ZNF512: variants seen among roughly 807,000 people sequenced by gnomAD.
ZNF512 encodes the protein zinc finger protein 512.
A neutral mutation model predicts 77.5 loss-of-function variants in ZNF512; 25 were observed. The observed-to-expected ratio is 0.32, with a 90% CI of 0.23 to 0.45. The LOEUF (loss-of-function observed/expected upper bound fraction) is 0.45. Ranked by LOEUF, ZNF512 falls within the 20% of genes least tolerant of loss-of-function variation. The pLI is 1.00. For missense variants in ZNF512, 483 were observed against 692.6 expected (o/e 0.70, Z 3.40); for synonymous variants, 246 against 239.9 (o/e 1.03, Z -0.24).
intron 8 of ZNF512, among the ~76,000 whole-genome samples, 200 bp from the exon 9 acceptor site, chr2:27,602,940 G>T (rs1330295065): frequency 6.6e-6 from 1 of 152,188 alleles, no homozygotes; most frequent in African/African-American, 2.4e-5. Flanking sequence ...TGACTAAGCT[G>T]ATTGAAAATC....
rs747434302 is a variant in ZNF512 at position 27,621,359 on chromosome 2, G to A, written c.1602G>A (p.Leu534=). 6.2e-7 allele frequency: 1 copy of A among 1,614,118 alleles called. No individual in the cohort carries two copies. The highest frequency in any genetic ancestry group is 2.2e-5 in the East Asian group (1 of 44,882). Reference sequence around the variant, plus strand: ...ATCAGAGGAGGAATAATGAGGAACTGGTAGTGTCAGCCTCCTGTAAGGAAC... The same window carrying A: ...ATCAGAGGAGGAATAATGAGGAACTAGTAGTGTCAGCCTCCTGTAAGGAAC... The part of the protein sequence containing the change: ...GKDQRRNNEE[L]VVSASCKEPE... The change falls in exon 14 of 14, where the codon CTG becomes CTA. Residue 534 remains leucine, a synonymous_variant. Coordinates refer to ENST00000355467, the MANE Select transcript of ZNF512 (RefSeq NM_032434.4).
intron 10 of ZNF512, among the ~76,000 whole-genome samples, chr2:27,613,482 C>T (rs890455991): frequency 5.3e-5 from 8 of 149,622 alleles, no homozygotes; most frequent in African/African-American, 1.2e-4. Flanking sequence ...GGCAACAGAG[C>T]GAGACTCCAT....
At chr2:27,586,974 A>T (rs1185972077) in intron 2 of ZNF512, among the ~76,000 whole-genome samples, 2 of 152,160 alleles carry the variant, frequency 1.3e-5, no homozygotes, top group African/African-American at 4.8e-5. Context: ...CTTGATTGAC[A>T]TTTGAGTTAT....
chr2:27,616,497 G>C (rs897734749), intron 12 of ZNF512, among the ~76,000 whole-genome samples, 173 bp downstream of exon 12: 1 of 152,116 alleles, frequency 6.6e-6, no homozygotes, highest in East Asian at 1.9e-4. Context: ...GGATGCCAGG[G>C]CATGTCCAAG....
Position 27,596,123 on chromosome 2 carries a change from C to T in ZNF512, c.90-1944C>T, listed in dbSNP as rs368931338. 7.2e-5 allele frequency among the ~76,000 whole-genome samples: 11 copies of T among 152,270 alleles called. No individual in the cohort carries two copies. The South Asian group carries it at 2.1e-3, about 29-fold the overall frequency. ...CTTTTGGAGGCATTTGTTAAAATCT[C>T]GGTTCTGTTCTTTATGTCTTTGCTA... On this transcript the variant is annotated intron_variant, in intron 2 of 13. Coordinates refer to ENST00000355467, the MANE Select transcript of ZNF512 (RefSeq NM_032434.4).
At chr2:27,583,620 G>A (rs1241000109) in intron 1 of ZNF512, 38 bp from the exon 2 acceptor site, 1 of 1,611,460 alleles carries the variant, frequency 6.2e-7, no homozygotes, top group African/African-American at 1.3e-5. Flanking sequence ...GAGGTTCAGA[G>A]GTCCCTAGCA....
At chr2:27,608,640 G>C (rs1222661290) in intron 10 of ZNF512, among the ~76,000 whole-genome samples, 1 of 152,018 alleles carries the variant, frequency 6.6e-6, no homozygotes, top group African/African-American at 2.4e-5. Context: ...AGAAGAAGGG[G>C]CCTTATTTAG....
In ZNF512 at chr2:27,583,108, G is replaced by A. The variant is rs746812931; in HGVS notation, c.-5G>A. 6.2e-7 allele frequency: 1 copy of A among 1,614,126 alleles called. No homozygotes were observed. The highest frequency in any genetic ancestry group is 8.5e-7 in the Non-Finnish European group (1 of 1,180,022). ...GGTGAAATTGTTAGGCGTGGAGAGG[G>A]AGTGATGTCTTCCAGACTCGGTGCT... is the stretch of plus-strand genomic sequence containing the variant. On this transcript the variant is annotated 5_prime_UTR_variant, in exon 1 of 14. Transcript: ENST00000355467.
At chr2:27,603,641 G>C (rs1467647458) in intron 9 of ZNF512, among the ~76,000 whole-genome samples, 1 of 140,474 alleles carries the variant, frequency 7.1e-6, no homozygotes, top group African/African-American at 2.8e-5. Flanking sequence ...TCTCAGGCTA[G>C]AGTGCAGTGG....
At chr2:27,615,698 A>T (rs1391844158) in intron 11 of ZNF512, among the ~76,000 whole-genome samples, 1 of 152,212 alleles carries the variant, frequency 6.6e-6, no homozygotes, top group African/African-American at 2.4e-5. Context: ...GCACAGCATC[A>T]CTTCCATGGT....
At chr2:27,599,852 C>G (rs908607113) in intron 4 of ZNF512, 118 bp from the exon 5 acceptor site, 2 of 1,264,680 alleles carry the variant, frequency 1.6e-6, no homozygotes, top group Non-Finnish European at 2.3e-6. Flanking sequence ...TCTGTCCTGA[C>G]TTAGGCAGTC....
chr2:27,583,419 CT>C, intron 1 of ZNF512: 1 of 1,442,404 alleles, frequency 6.9e-7, no homozygotes. Flanking sequence ...TTTGGCCTCC[CT>C]TTTAGAGCCT....
intron 9 of ZNF512, among the ~76,000 whole-genome samples, chr2:27,607,200 A>G (rs6719960): frequency 0.29 from 43,967 of 152,004 alleles, 7,614 homozygotes; most frequent in African/African-American, 0.48. Flanking sequence ...AAAAACCGTC[A>G]TACACAGGAT....
At chr2:27,595,742 T>C (rs575629277) in intron 2 of ZNF512, among the ~76,000 whole-genome samples, 1 of 152,354 alleles carries the variant, frequency 6.6e-6, no homozygotes, top group Admixed American at 6.5e-5. Flanking sequence ...ATTTTTCAGT[T>C]CTAAGATTTC....
chr2:27,590,385 G>C (rs1421861920), intron 2 of ZNF512, among the ~76,000 whole-genome samples: 1 of 152,080 alleles, frequency 6.6e-6, no homozygotes, highest in East Asian at 1.9e-4. Context: ...CCTTATGTTT[G>C]CTGATTGTAT....
At chr2:27,620,099 C>T (rs1673052639) in intron 13 of ZNF512, among the ~76,000 whole-genome samples, 1 of 151,860 alleles carries the variant, frequency 6.6e-6, no homozygotes, top group African/African-American at 2.4e-5. Flanking sequence ...TTTCTAGTAG[C>T]CACATTAAAA....
Position 27,615,282 on chromosome 2 carries a change from C to T in ZNF512, c.1233+13C>T. 2.6e-6 allele frequency: 4 copies of T among 1,515,370 alleles called. No homozygotes were observed. The highest frequency in any genetic ancestry group is 1.4e-5 in the African/African-American group (1 of 71,492). 93.9% of individuals were successfully genotyped at this position (1,515,370 alleles called of 1,614,324 possible). On this transcript the variant is annotated intron_variant, in intron 11 of 13. Transcript: ENST00000355467. ...GTGTCCTAACCAGGTGGTTCTTTCT[C>T]ATTCATTTATTCAGTAAATGTTTAT... is the stretch of plus-strand genomic sequence containing the variant.
chr2:27,592,688 T>G (rs1201979171), intron 2 of ZNF512, among the ~76,000 whole-genome samples: 19 of 113,102 alleles, frequency 1.7e-4, no homozygotes, highest in Non-Finnish European at 3.5e-4. Flanking sequence ...TTTTTTTTTT[T>G]TTTTTTTTTG....
chr2:27,600,488 C>T (rs768057792), intron 5 of ZNF512, among the ~76,000 whole-genome samples: 9 of 152,044 alleles, frequency 5.9e-5, no homozygotes, highest in African/African-American at 1.7e-4. Context: ...TTTATCATGG[C>T]GAAATGAGTA....
Sources: gnomAD v4.1 joint callset for allele counts (sites outside exome capture counted in the v4.1 genomes callset) on GRCh38, gnomAD v4.1.1 for gene constraint, MANE v1.5 for transcripts, NCBI Gene and HGNC (gene_info 2026-07-23, HGNC 2026-07-21) for gene names.